HECTD4: variants seen among roughly 807,000 people sequenced by gnomAD.
HECTD4 encodes the protein HECT domain E3 ubiquitin protein ligase 4, also known as probable E3 ubiquitin-protein ligase HECTD4.
HECTD4 carries 114 observed loss-of-function variants against 471.5 expected under a neutral mutation model. The observed-to-expected ratio is 0.24, with a 90% CI of 0.21 to 0.28. HECTD4 has a LOEUF of 0.28. HECTD4 is among the 10% of genes least tolerant of loss of function. The pLI is 1.00. For synonymous variants in HECTD4, 2,012 were observed against 2,256.0 expected (o/e 0.89, Z 3.07); for missense variants, 3,866 against 5,651.5 (o/e 0.68, Z 10.13).
chr12:112,283,093 A>C lies in HECTD4; in HGVS notation c.1528+17T>G, dbSNP rs2034677790. The C allele has an allele frequency of 1.2e-6, 2 of 1,603,348 alleles. No individual in the cohort carries two copies. The highest frequency in any genetic ancestry group is 1.7e-6 in the Non-Finnish European group (2 of 1,172,898). Reference sequence around the variant, plus strand: ...GCTATACAAGGAAACAGATCTGGGAAGCACAGAGTAACATACCTGCTTGAT... The same window carrying C: ...GCTATACAAGGAAACAGATCTGGGACGCACAGAGTAACATACCTGCTTGAT... On this transcript the variant is annotated intron_variant, in intron 8 of 75. Transcript: ENST00000682272.
Position 112,251,000 on chromosome 12 carries a change from C to T in HECTD4, c.3687G>A (p.Gln1229=). The change falls in exon 24 of 76, where the codon CAG becomes CAA. Residue 1229 remains glutamine, a synonymous_variant. Coordinates refer to ENST00000682272, the MANE Select transcript of HECTD4 (RefSeq NM_001388303.1). ...PEITKEEEAC[Q]ELLRSKLLQR... ...GTAAAAGTTTGGACCGCAATAGCTC[C>T]TGACAGGCTTCTTCTTCTTTGGTAA... is the stretch of plus-strand genomic sequence containing the variant. The T allele has an allele frequency of 3.1e-6, 5 of 1,613,522 alleles. No individual in the cohort carries two copies. Among genetic ancestry groups the T allele is most frequent in the Non-Finnish European group, 4.2e-6 (5 of 1,179,672 alleles).
chr12:112,190,259 G>C (rs2032034006), intron 60 of HECTD4, among the ~76,000 whole-genome samples: 1 of 152,112 alleles, frequency 6.6e-6, no homozygotes, highest in Non-Finnish European at 1.5e-5. Flanking sequence ...AAAATAAGTT[G>C]TAGACATCAG....
At chr12:112,216,971 T>G (rs2032933992) in intron 46 of HECTD4, 50 bp from the exon 47 acceptor site, 1 of 1,598,324 alleles carries the variant, frequency 6.3e-7, no homozygotes, top group South Asian at 1.1e-5. Flanking sequence ...ATCCTGGGCC[T>G]GAGACCTGCT....
chr12:112,305,283 CCGTGGCTCCCAGCTGCTTCT>C (rs1404421248), intron 7 of HECTD4, among the ~76,000 whole-genome samples: 1 of 151,020 alleles, frequency 6.6e-6, no homozygotes, highest in African/African-American at 2.4e-5. Flanking sequence ...ATCTAAAGCG[CCGTGGCTCCCAGCTGCTTCT>C]TGCCCCAAGC....
intron 1 of HECTD4, among the ~76,000 whole-genome samples, chr12:112,355,662 G>A (rs2036323031): frequency 1.3e-5 from 2 of 152,088 alleles, no homozygotes; most frequent in African/African-American, 4.8e-5. Flanking sequence ...TGCTTGGGAG[G>A]CTGAGGCAGG....
chr12:112,366,698 T>A (rs888562486), intron 1 of HECTD4, among the ~76,000 whole-genome samples: 4 of 151,678 alleles, frequency 2.6e-5, no homozygotes, highest in Admixed American at 6.6e-5. Flanking sequence ...CTGGCCAACA[T>A]GGTGAAACCC....
At chr12:112,273,011 T>C (rs1433254686) in intron 11 of HECTD4, among the ~76,000 whole-genome samples, 2 of 152,210 alleles carry the variant, frequency 1.3e-5, no homozygotes, top group African/African-American at 4.8e-5. Flanking sequence ...AAGAACACCA[T>C]GGACTTCCAC....
chr12:112,303,201 G>A (rs1342730317), intron 7 of HECTD4, among the ~76,000 whole-genome samples: 1 of 152,124 alleles, frequency 6.6e-6, no homozygotes, highest in Non-Finnish European at 1.5e-5. Context: ...GCATCTGAAT[G>A]CAAATGTGTG....
At position 112,170,466 on chromosome 12, in the gene HECTD4, C is replaced by T. The variant is rs200814464; in HGVS notation, c.11933-14G>A. The T allele has an allele frequency of 2.4e-4, 392 of 1,613,370 alleles. No homozygotes were observed. The highest frequency in any genetic ancestry group is 7.3e-4 in the Admixed American group (44 of 59,978). On this transcript the variant is annotated splice_polypyrimidine_tract_variant and intron_variant, in intron 68 of 75. Transcript: ENST00000682272. ...AGAAGATCAGCCCTAAGGAGAGGAA[C>T]GTGGGAGAGGCTTGGGTGGGGCTTT...
In HECTD4 at chr12:112,301,993, G is replaced by A. The variant is rs1594026247; in HGVS notation, c.1335+4071C>T. ...AGCAGATCTCATCGTATCTGTCATT[G>A]TCATTGGTCCTGATACCTTCCACCA... On this transcript the variant is annotated intron_variant, in intron 7 of 75. Coordinates refer to ENST00000682272, the MANE Select transcript of HECTD4 (RefSeq NM_001388303.1). 3 of 893,538 alleles carry A rather than the reference G, an allele frequency of 3.4e-6. No homozygotes were observed. The South Asian group carries it at 3.9e-5, about 12-fold the overall frequency. 55.4% of individuals were successfully genotyped at this position (893,538 alleles called of 1,614,324 possible).
rs886239473 is a variant in HECTD4 at position 112,239,883 on chromosome 12, G to C, written c.5103C>G (p.Thr1701=). The C allele has an allele frequency of 6.2e-7, 1 of 1,612,012 alleles. No individual in the cohort carries two copies. Residue 1701 remains threonine (T), a splice_region_variant and synonymous_variant, in exon 33 of 76, where the codon ACC becomes ACG. Transcript: ENST00000682272. The surrounding 1 kb of genome is among the most constrained non-coding windows in gnomAD (Gnocchi z 4.9). ...ACAAAAGGCCTTTCCGTACTTACCT[G>C]GTGTAAGGTATGGTACATAAGAGTC... is the stretch of plus-strand genomic sequence containing the variant. The part of the protein sequence containing the change: ...SIGLLCTIPY[T]RSEEKCLVRS...
chr12:112,224,701 GT>G (rs1241281045), intron 44 of HECTD4, among the ~76,000 whole-genome samples: 1 of 152,162 alleles, frequency 6.6e-6, no homozygotes, highest in Non-Finnish European at 1.5e-5. Flanking sequence ...CCACAAAGTG[GT>G]TTTCCACTAG....
At chr12:112,355,530 T>C (rs1357386648) in intron 1 of HECTD4, among the ~76,000 whole-genome samples, 1 of 151,822 alleles carries the variant, frequency 6.6e-6, no homozygotes, top group East Asian at 2.0e-4. Context: ...GAGGCCGAAG[T>C]GGACAGATCA....
chr12:112,299,969 C>A (rs911853238), intron 7 of HECTD4, among the ~76,000 whole-genome samples: 2 of 152,102 alleles, frequency 1.3e-5, no homozygotes, highest in Non-Finnish European at 2.9e-5. Flanking sequence ...ATATGTACTT[C>A]TAGGTTGAAA....
At position 112,382,401 on chromosome 12, in the gene HECTD4, G is replaced by T. The variant is rs1212854644; in HGVS notation, c.-273C>A. On this transcript the variant is annotated 5_prime_UTR_variant, in exon 1 of 76. Coordinates refer to ENST00000682272, the MANE Select transcript of HECTD4 (RefSeq NM_001388303.1). The stretch of plus-strand genomic sequence containing the variant: ...CGCCTCTGCCGCTCGGCAACCAACT[G>T]TCAGTGAGACGCCATGTTGGGGGCG... The T allele has an allele frequency of 1.3e-5, 4 of 319,096 alleles. No homozygotes were observed. The highest frequency in any genetic ancestry group is 5.3e-5 in the Admixed American group (1 of 18,964). 19.8% of individuals were successfully genotyped at this position (319,096 alleles called of 1,614,324 possible). A position where few individuals can be genotyped will look rare whatever the true frequency, so the allele number is the denominator to read the frequency against.
chr12:112,221,661 C>A (rs1054134380), intron 44 of HECTD4, among the ~76,000 whole-genome samples: 2 of 152,140 alleles, frequency 1.3e-5, no homozygotes, highest in African/African-American at 4.8e-5. Context: ...GTTTCTCATG[C>A]CTGTAATCCT....
intron 1 of HECTD4, among the ~76,000 whole-genome samples, chr12:112,343,943 T>C (rs979519669): frequency 7.2e-5 from 11 of 152,180 alleles, no homozygotes; most frequent in African/African-American, 1.7e-4. Flanking sequence ...TATAACAACA[T>C]TGATGTTTTT....
intron 45 of HECTD4, among the ~76,000 whole-genome samples, chr12:112,218,021 G>A (rs998667762): frequency 7.9e-5 from 12 of 151,728 alleles, no homozygotes; most frequent in African/African-American, 1.5e-4. Context: ...GTCTCATTCT[G>A]TCATCCAGGC....
chr12:112,311,437 CATAAATAA>C (rs112895022), intron 4 of HECTD4, among the ~76,000 whole-genome samples: 6 of 140,816 alleles, frequency 4.3e-5, no homozygotes, highest in South Asian at 4.7e-4. Flanking sequence ...CCCGTCTCTA[CATAAATAA>C]ATAAATAAAT....
Sources: gnomAD v4.1 joint callset for allele counts (sites outside exome capture counted in the v4.1 genomes callset) on GRCh38, gnomAD v4.1.1 for gene constraint, Gnocchi (gnomAD v3.1) non-coding constraint, MANE v1.5 for transcripts, NCBI Gene and HGNC (gene_info 2026-07-23, HGNC 2026-07-21) for gene names.